PEAK1: variants seen among roughly 807,000 people sequenced by gnomAD.
The protein encoded by PEAK1 is inactive tyrosine-protein kinase PEAK1.
PEAK1 carries 54 observed loss-of-function variants against 124.7 expected under a neutral mutation model. The observed-to-expected ratio is 0.43, with a 90% CI of 0.35 to 0.54. The LOEUF (loss-of-function observed/expected upper bound fraction) is 0.54. Among genes scored for constraint, PEAK1 ranks in the 20% least tolerant of loss-of-function variants. The probability of loss-of-function intolerance (pLI) is 0.01; values close to 1 mark genes in which losing one functional copy is unlikely to be tolerated. For synonymous variants in PEAK1, 719 were observed against 760.0 expected (o/e 0.95, Z 0.89); for missense variants, 2,046 against 2,134.5 (o/e 0.96, Z 0.82).
At position 77,388,225 on chromosome 15, in the gene PEAK1, C is replaced by A. The variant is rs761952457; in HGVS notation, c.-665-23000G>T. Among the ~76,000 whole-genome samples, 8 of 152,228 alleles carry A rather than the reference C, an allele frequency of 5.3e-5. No individual in the cohort carries two copies. In the South Asian group the frequency reaches 1.7e-3, roughly 32 times the overall value. ...ATAAAAACAACTTGAAAAGTATATG[C>A]AACTGGATCACGCGTAAACTGAAGG... On this transcript the variant is annotated intron_variant, in intron 1 of 9. Transcript: ENST00000682557.
intron 1 of PEAK1, chr15:77,419,290 G>A (rs888361916): frequency 3.0e-5 from 30 of 985,298 alleles, no homozygotes; most frequent in Middle Eastern, 5.2e-4. Flanking sequence ...CAGACGGATG[G>A]TGCATGCGAC....
chr15:77,378,035 A>G (rs2069168500), intron 1 of PEAK1, among the ~76,000 whole-genome samples: 2 of 152,252 alleles, frequency 1.3e-5, no homozygotes, highest in South Asian at 4.1e-4. Flanking sequence ...AGTTGAGACC[A>G]AGAGTGATCT....
At chr15:77,337,159 T>C (rs2066254897) in intron 2 of PEAK1, 1 of 984,994 alleles carries the variant, frequency 1.0e-6, no homozygotes, top group African/African-American at 1.7e-5. Context: ...ATAACCTACC[T>C]GTGCCCATGA....
intron 6 of PEAK1, among the ~76,000 whole-genome samples, chr15:77,215,228 C>T (rs1422453428): frequency 6.6e-6 from 1 of 152,042 alleles, no homozygotes; most frequent in Non-Finnish European, 1.5e-5. Context: ...AATCATTTGC[C>T]CATTTTAAAT....
chr15:77,334,908 C>T, intron 2 of PEAK1: 1 of 985,342 alleles, frequency 1.0e-6, no homozygotes, highest in Non-Finnish European at 1.2e-6. Flanking sequence ...TTACTGATAT[C>T]CAGCTTCCCC....
intron 6 of PEAK1, among the ~76,000 whole-genome samples, chr15:77,203,151 G>C (rs2058453859): frequency 6.6e-6 from 1 of 152,128 alleles, no homozygotes; most frequent in Admixed American, 6.6e-5. Context: ...AGGCTGAGGA[G>C]GAGGAAGAAG....
chr15:77,254,130 C>G (rs1205361411), intron 5 of PEAK1, among the ~76,000 whole-genome samples: 2 of 152,042 alleles, frequency 1.3e-5, no homozygotes, highest in Non-Finnish European at 2.9e-5. Context: ...TATCTTTGGA[C>G]TTTAGTAGTG....
chr15:77,145,473 T>C (rs2054112374), intron 8 of PEAK1, among the ~76,000 whole-genome samples: 1 of 151,950 alleles, frequency 6.6e-6, no homozygotes, highest in African/African-American at 2.4e-5. Context: ...GTCTTCAGAC[T>C]GACGGGCCCT....
At chr15:77,403,021 A>T (rs2071505834) in intron 1 of PEAK1, 1 of 985,140 alleles carries the variant, frequency 1.0e-6, no homozygotes, top group African/African-American at 1.7e-5. Flanking sequence ...CTTCCACTCT[A>T]AGCAATGATG....
intron 2 of PEAK1, among the ~76,000 whole-genome samples, chr15:77,317,838 A>C (rs2153011789): frequency 6.6e-6 from 1 of 152,366 alleles, no homozygotes; most frequent in South Asian, 2.1e-4. Context: ...ATTACTAAAA[A>C]GAACACCAAC....
At chr15:77,344,226 T>C (rs1163220649) in intron 2 of PEAK1, among the ~76,000 whole-genome samples, 8 of 152,074 alleles carry the variant, frequency 5.3e-5, no homozygotes, top group Admixed American at 3.9e-4. Context: ...TTCTGAGTAG[T>C]TGGGACTACA....
chr15:77,339,433 T>G (rs1276761001), intron 2 of PEAK1, among the ~76,000 whole-genome samples: 1 of 152,220 alleles, frequency 6.6e-6, no homozygotes, highest in Non-Finnish European at 1.5e-5. Context: ...TGTTTATATC[T>G]AATTGTATGT....
intron 2 of PEAK1, among the ~76,000 whole-genome samples, chr15:77,323,353 G>A (rs960651765): frequency 3.3e-5 from 5 of 152,142 alleles, no homozygotes; most frequent in African/African-American, 7.2e-5. Context: ...GTCCCTGTTT[G>A]CAGATGACAT....
intron 6 of PEAK1, among the ~76,000 whole-genome samples, chr15:77,234,237 A>G (rs1441563832): frequency 6.6e-6 from 1 of 152,184 alleles, no homozygotes; most frequent in Non-Finnish European, 1.5e-5. Context: ...CTGTAGTTTT[A>G]GTTATGCTTC....
chr15:77,326,841 C>T (rs1231899471), intron 2 of PEAK1, among the ~76,000 whole-genome samples: 1 of 152,066 alleles, frequency 6.6e-6, no homozygotes, highest in African/African-American at 2.4e-5. Flanking sequence ...AGAGCTCGTG[C>T]TATAGGCAGG....
At chr15:77,174,065 T>G (rs1320367634) in intron 7 of PEAK1, among the ~76,000 whole-genome samples, 2 of 152,240 alleles carry the variant, frequency 1.3e-5, no homozygotes, top group Non-Finnish European at 2.9e-5. Context: ...AGACACATAT[T>G]TGAAGTTCAA....
intron 1 of PEAK1, among the ~76,000 whole-genome samples, chr15:77,411,036 A>AC (rs1408409864): frequency 6.6e-6 from 1 of 152,210 alleles, no homozygotes; most frequent in Admixed American, 6.5e-5. Context: ...ACTTTGGTTT[A>AC]CCAGGCTACA....
At position 77,298,141 on chromosome 15, in the gene PEAK1, T is replaced by C. The variant is rs903340972; in HGVS notation, c.-602-11637A>G. Among the ~76,000 whole-genome samples the C allele has an allele frequency of 1.8e-4, 15 of 85,674 alleles. 1 individual carries two copies. Among genetic ancestry groups the C allele is most frequent in the African/African-American group, 5.4e-4 (15 of 27,922 alleles). 56.2% of individuals were successfully genotyped at this position (85,674 alleles called of 152,430 possible). A position where few individuals can be genotyped will look rare whatever the true frequency, so the allele number is the denominator to read the frequency against. The stretch of plus-strand genomic sequence containing the variant: ...TCACAGCAAATAATCTGCCCTCTGA[T>C]CTTTATTATTAATGAAAAAAAAAAG... On this transcript the variant is annotated intron_variant, in intron 2 of 9. Coordinates refer to ENST00000682557, the MANE Select transcript of PEAK1 (RefSeq NM_001385026.1).
intron 6 of PEAK1, among the ~76,000 whole-genome samples, chr15:77,216,918 C>T (rs536571017): frequency 3.3e-5 from 5 of 152,050 alleles, no homozygotes; most frequent in Admixed American, 6.6e-5. Flanking sequence ...AGATGAAACA[C>T]GGCTTTACCA....
Sources: gnomAD v4.1 joint callset for allele counts (sites outside exome capture counted in the v4.1 genomes callset) on GRCh38, gnomAD v4.1.1 for gene constraint, MANE v1.5 for transcripts, NCBI Gene and HGNC (gene_info 2026-07-23, HGNC 2026-07-21) for gene names.